Variants in CCDC88A observed in about 807,000 individuals in gnomAD.
CCDC88A encodes girdin.
CCDC88A carries 54 observed loss-of-function variants against 234.3 expected under a neutral mutation model. That is an observed-to-expected ratio of 0.23 (90% CI 0.19 to 0.29). CCDC88A has a LOEUF of 0.29. Ranked by LOEUF, CCDC88A falls within the 10% of genes least tolerant of loss-of-function variation. The probability of loss-of-function intolerance (pLI) is 1.00; values close to 1 mark genes in which losing one functional copy is unlikely to be tolerated. For missense variants in CCDC88A, 1,832 were observed against 2,123.4 expected (o/e 0.86, Z 2.70); for synonymous variants, 753 against 737.8 (o/e 1.02, Z -0.33).
At position 55,322,735 on chromosome 2, in the gene CCDC88A, A is replaced by G. The variant is rs535765326; in HGVS notation, c.2998-43T>C. The G allele has an allele frequency of 1.7e-4, 182 of 1,071,322 alleles. 1 individual carries two copies. Among genetic ancestry groups the G allele is most frequent in the South Asian group, 1.5e-3 (81 of 53,354 alleles). The allele number at this position is 1,071,322 out of a possible 1,614,324, so 66.4% of individuals were successfully genotyped here. On this transcript the variant is annotated intron_variant, in intron 17 of 32. Coordinates refer to ENST00000436346, the MANE Select transcript of CCDC88A (RefSeq NM_001365480.1). ...ATATTTTAATGGGGAGAAAAAAATC[A>G]CCACAGTTACATTTCTCTCAATTAA...
chr2:55,412,375 C>T (rs1483063980), intron 2 of CCDC88A, among the ~76,000 whole-genome samples: 1 of 152,224 alleles, frequency 6.6e-6, no homozygotes, highest in Admixed American at 6.5e-5. Context: ...GAGCAGGAGT[C>T]TCTAACCCCT....
At chr2:55,337,187 G>A (rs1049094331) in intron 13 of CCDC88A, 1 of 164,072 alleles carries the variant, frequency 6.1e-6, no homozygotes, top group African/African-American at 2.4e-5. Context: ...GAATTTCAGT[G>A]AGCAAGAAGG....
At chr2:55,311,924 C>T (rs1682396804) in intron 23 of CCDC88A, among the ~76,000 whole-genome samples, 1 of 152,128 alleles carries the variant, frequency 6.6e-6, no homozygotes, top group South Asian at 2.1e-4. Flanking sequence ...TTCTCTATTG[C>T]ACCCCTCCTT....
intron 16 of CCDC88A, chr2:55,329,864 A>T (rs914375530): frequency 6.6e-6 from 1 of 152,132 alleles, no homozygotes; most frequent in Non-Finnish European, 1.5e-5. Context: ...GGCTCAAGTG[A>T]TTCTTGTTTC....
At position 55,412,316 on chromosome 2, in the gene CCDC88A, A is replaced by C. The variant is rs188335238; in HGVS notation, c.164+6500T>G. ...TGCCTGGGGACTTCACAAGGTATTA[A>C]AGGAAGAGCAGGAATTGGTTAGTCA... is the stretch of plus-strand genomic sequence containing the variant. On this transcript the variant is annotated intron_variant, in intron 2 of 32. Transcript: ENST00000436346. Among the ~76,000 whole-genome samples the C allele has an allele frequency of 2.7e-3, 394 of 145,932 alleles. 4 individuals are homozygous for C. The highest frequency in any genetic ancestry group is 0.011 in the African/African-American group (379 of 35,586).
chr2:55,339,718 T>C, intron 12 of CCDC88A, 70 bp from the exon 13 acceptor site: 1 of 1,378,624 alleles, frequency 7.3e-7, no homozygotes, highest in East Asian at 2.4e-5. Context: ...CTTTACTATT[T>C]AAAAAGTTGA....
intron 28 of CCDC88A, chr2:55,300,219 G>A: frequency 3.1e-6 from 1 of 319,702 alleles, no homozygotes; most frequent in Non-Finnish European, 6.0e-6. Flanking sequence ...TATCCCCCCA[G>A]ATCCCCCAAA....
chr2:55,308,864 T>C lies in CCDC88A; in HGVS notation c.4332A>G (p.Ser1444=), dbSNP rs1558642137. ...LPHQDSQDSS[S]VGSNSLEDGQ... Reference sequence around the variant, plus strand: ...CATCTTCTAAAGAGTTTGAACCTACTGAAGAACTATCTTGACTGTCTTGAT... The same window carrying C: ...CATCTTCTAAAGAGTTTGAACCTACCGAAGAACTATCTTGACTGTCTTGAT... The change falls in exon 25 of 33, where the codon TCA becomes TCG. Residue 1444 remains serine, a synonymous_variant. Coordinates refer to ENST00000436346, the MANE Select transcript of CCDC88A (RefSeq NM_001365480.1). 1 of 1,614,146 alleles carries C rather than the reference T, an allele frequency of 6.2e-7. No homozygotes were observed. Among genetic ancestry groups the C allele is most frequent in the Non-Finnish European group, 8.5e-7 (1 of 1,179,996 alleles).
chr2:55,410,866 C>T (rs1208764826), intron 2 of CCDC88A, among the ~76,000 whole-genome samples: 1 of 150,364 alleles, frequency 6.7e-6, no homozygotes, highest in African/African-American at 2.4e-5. Flanking sequence ...GCATTCCAGT[C>T]TCGGCAAGAG....
chr2:55,376,720 T>C (rs1673703746), intron 3 of CCDC88A, among the ~76,000 whole-genome samples: 1 of 152,202 alleles, frequency 6.6e-6, no homozygotes, highest in Non-Finnish European at 1.5e-5. Flanking sequence ...TGATATAGAG[T>C]TTGGATATTT....
intron 2 of CCDC88A, among the ~76,000 whole-genome samples, chr2:55,393,421 G>C (rs1484997788): frequency 6.7e-6 from 1 of 148,434 alleles, no homozygotes; most frequent in East Asian, 2.0e-4. Flanking sequence ...CTCCTGAGTA[G>C]CTGGGACTAC....
chr2:55,300,077 T>C (rs568351569), intron 28 of CCDC88A, 158 bp from the exon 29 acceptor site: 15 of 594,100 alleles, frequency 2.5e-5, no homozygotes, highest in African/African-American at 5.5e-5. Context: ...AGATAGTTCA[T>C]TGAGACACTT....
At chr2:55,343,979 C>A in intron 11 of CCDC88A, 187 bp from the exon 12 acceptor site, 1 of 455,862 alleles carries the variant, frequency 2.2e-6, no homozygotes, top group Non-Finnish European at 3.8e-6. Context: ...TGTCTGACAT[C>A]CTTTTAAGCT....
Position 55,370,628 on chromosome 2 carries a change from C to A in CCDC88A, c.402+1824G>T, listed in dbSNP as rs373138182. Reference sequence around the variant, plus strand: ...TGCACTCCAGCCTGGGCAAAAAGAACGAAACTCTGTCTCAAAAAAAAAAAA... The same window carrying A: ...TGCACTCCAGCCTGGGCAAAAAGAAAGAAACTCTGTCTCAAAAAAAAAAAA... On this transcript the variant is annotated intron_variant, in intron 5 of 32. Transcript: ENST00000436346. Among the ~76,000 whole-genome samples the A allele has an allele frequency of 8.3e-4, 60 of 72,676 alleles. 1 individual carries two copies. Among genetic ancestry groups the A allele is most frequent in the African/African-American group, 3.3e-3 (60 of 18,448 alleles). 47.7% of individuals were successfully genotyped at this position (72,676 alleles called of 152,430 possible). A position where few individuals can be genotyped will look rare whatever the true frequency, so the allele number is the denominator to read the frequency against.
At chr2:55,318,803 A>T in intron 19 of CCDC88A, 40 bp downstream of exon 19, 1 of 1,467,262 alleles carries the variant, frequency 6.8e-7, no homozygotes, top group Non-Finnish European at 9.3e-7. Flanking sequence ...AGCATAATTC[A>T]AGAGTTTGGT....
chr2:55,339,480 T>C lies in CCDC88A; in HGVS notation c.1502A>G (p.Gln501Arg), dbSNP rs752564831. 1.9e-6 allele frequency: 3 copies of C among 1,575,316 alleles called. No homozygotes were observed. The highest frequency in any genetic ancestry group is 1.7e-6 in the Non-Finnish European group (2 of 1,159,546). ...TTAATTTACCTTTTTACTGAGCCTTTGATTTTCTTTTTCCATTTTCAGGAT... is the reference window on the plus strand; with the variant it reads ...TTAATTTACCTTTTTACTGAGCCTTCGATTTTCTTTTTCCATTTTCAGGAT... ...SKILKMEKEN[Q>R]RLSKKVEILE... is the part of the protein sequence containing the mutation. Residue 501 changes from glutamine to arginine, a missense_variant, in exon 13 of 33, where the codon CAA becomes CGA. Coordinates refer to ENST00000436346, the MANE Select transcript of CCDC88A (RefSeq NM_001365480.1).
chr2:55,403,076 G>C (rs544428629), intron 2 of CCDC88A, among the ~76,000 whole-genome samples: 1 of 151,606 alleles, frequency 6.6e-6, no homozygotes, highest in African/African-American at 2.4e-5. Flanking sequence ...ATATTGAGTA[G>C]CTGTCAAGCC....
intron 12 of CCDC88A, 82 bp from the exon 13 acceptor site, chr2:55,339,730 T>G: frequency 9.2e-7 from 1 of 1,084,866 alleles, no homozygotes; most frequent in Non-Finnish European, 1.3e-6. Flanking sequence ...AAAAGTTGAG[T>G]GTATATGCAT....
At chr2:55,373,372 T>G (rs1673118493) in intron 4 of CCDC88A, among the ~76,000 whole-genome samples, 1 of 152,160 alleles carries the variant, frequency 6.6e-6, no homozygotes, top group Non-Finnish European at 1.5e-5. Context: ...ATCCCCCTAG[T>G]GAACTACTTG....
Sources: allele counts gnomAD v4.1 joint callset (sites outside exome capture counted in the v4.1 genomes callset), GRCh38; gene constraint gnomAD v4.1.1; transcripts MANE v1.5; gene names NCBI Gene and HGNC (gene_info 2026-07-23, HGNC 2026-07-21).